The following CTNNA2 variants were observed in gnomAD, a reference collection of about 807,000 sequenced individuals.
CTNNA2 encodes the protein catenin alpha-2.
Under a neutral mutation model 101.0 loss-of-function variants are expected in CTNNA2, and 42 were observed. That is an observed-to-expected ratio of 0.42 (90% confidence interval 0.32 to 0.54). CTNNA2 has a LOEUF of 0.54. CTNNA2 is among the 20% of genes least tolerant of loss of function. The pLI, the probability that CTNNA2 is intolerant of heterozygous loss-of-function variation, is 0.14. For missense variants in CTNNA2, 871 were observed against 1,223.1 expected, an observed-to-expected ratio of 0.71 and a Z score of 4.29; for synonymous variants, 450 against 456.4, an observed-to-expected ratio of 0.99 and a Z score of 0.18.
chr2:80,043,036 TTTCC>T (rs201043752), intron 7 of CTNNA2, among the ~76,000 whole-genome samples: 68,427 of 93,356 alleles, frequency 0.73, 26,906 homozygotes, highest in East Asian at 0.91. Flanking sequence ...TCTTTCTTTC[TTTCC>T]TTCTTTCTTT....
At chr2:80,256,463 T>A (rs1672160096) in intron 7 of CTNNA2, among the ~76,000 whole-genome samples, 1 of 152,124 alleles carries the variant, frequency 6.6e-6, no homozygotes, top group Non-Finnish European at 1.5e-5. Context: ...AAATAACCTC[T>A]CTTTTCCAGA....
At chr2:80,571,193 A>G (rs1694563825) in intron 12 of CTNNA2, among the ~76,000 whole-genome samples, 1 of 152,138 alleles carries the variant, frequency 6.6e-6, no homozygotes, top group Non-Finnish European at 1.5e-5. Context: ...AGGTGTGTTC[A>G]TGCAGGTTGG....
intron 4 of CTNNA2, among the ~76,000 whole-genome samples, chr2:79,467,579 A>G (rs922580045): frequency 1.3e-5 from 2 of 152,218 alleles, no homozygotes; most frequent in Admixed American, 6.5e-5. Flanking sequence ...TAATTGTCAG[A>G]TTCACCAAAG....
chr2:79,804,122 T>C (rs1676378018), intron 3 of CTNNA2, among the ~76,000 whole-genome samples: 1 of 152,212 alleles, frequency 6.6e-6, no homozygotes, highest in Non-Finnish European at 1.5e-5. Context: ...TAAGTTAAAA[T>C]TGTAATCTCA....
chr2:79,734,275 G>A (rs1687378898), intron 2 of CTNNA2, among the ~76,000 whole-genome samples: 1 of 152,084 alleles, frequency 6.6e-6, no homozygotes, highest in Non-Finnish European at 1.5e-5. Context: ...GGCTGTAAGT[G>A]TAGACATTGA....
chr2:79,869,965 GA>G lies in CTNNA2; in HGVS notation c.585+34del, dbSNP rs1193609135. 5 of 1,609,586 alleles carry G rather than the reference GA, an allele frequency of 3.1e-6. No individual in the cohort carries two copies. The African/African-American group carries it at 6.7e-5, about 22-fold the overall frequency. On this transcript the variant is annotated intron_variant, in intron 5 of 18. Coordinates refer to ENST00000402739, the MANE Select transcript of CTNNA2 (RefSeq NM_001282597.3). ...GAAAGATTTTAGAAATGCTAGGGGA[GA>G]AAATGGGTGAGTTTAAATAACCCTG...
At chr2:80,624,077 C>T (rs1193358280) in intron 18 of CTNNA2, among the ~76,000 whole-genome samples, 21 of 151,858 alleles carry the variant, frequency 1.4e-4, no homozygotes, top group Admixed American at 1.3e-3. Context: ...TTTTCTTTGT[C>T]ATGCTCCAAT....
chr2:80,180,241 G>A (rs1705688792), intron 7 of CTNNA2, among the ~76,000 whole-genome samples: 1 of 152,126 alleles, frequency 6.6e-6, no homozygotes, highest in Admixed American at 6.5e-5. Context: ...TCATTCAAGG[G>A]GTTCTGGGTT....
At chr2:80,476,241 G>T (rs557404474) in intron 9 of CTNNA2, among the ~76,000 whole-genome samples, 1 of 152,200 alleles carries the variant, frequency 6.6e-6, no homozygotes, top group Non-Finnish European at 1.5e-5. Context: ...GGAGCTTTTT[G>T]GCTCTCGGGG....
intron 4 of CTNNA2, among the ~76,000 whole-genome samples, chr2:79,458,818 G>A (rs983719353): frequency 1.3e-5 from 2 of 151,882 alleles, no homozygotes; most frequent in Admixed American, 6.6e-5. Context: ...TTTCTTTATT[G>A]CATTTTTGCT....
chr2:80,211,368 T>C (rs1358917115), intron 7 of CTNNA2, among the ~76,000 whole-genome samples: 1 of 152,228 alleles, frequency 6.6e-6, no homozygotes, highest in East Asian at 1.9e-4. Flanking sequence ...TTTAAGTCTT[T>C]AATCCATCTT....
chr2:80,127,587 TA>T (rs1158597813), intron 7 of CTNNA2, among the ~76,000 whole-genome samples: 1 of 152,124 alleles, frequency 6.6e-6, no homozygotes, highest in Non-Finnish European at 1.5e-5. Flanking sequence ...GTTGTTTAAA[TA>T]TTTGACTCCA....
Position 80,648,219 on chromosome 2 carries a change from T to A in CTNNA2, c.*347T>A, listed in dbSNP as rs138787272. ...AAGCAAACTCTAATGCATGCAAGAA[T>A]CATTAGGTTGGCAGGTATATGCATA... On this transcript the variant is annotated 3_prime_UTR_variant, in exon 19 of 19. Transcript: ENST00000402739. 2.6e-3 allele frequency: 439 copies of A among 170,658 alleles called. 6 individuals carry two copies. The highest frequency in any genetic ancestry group is 0.01 in the African/African-American group (423 of 42,138). The allele number at this position is 170,658 out of a possible 1,614,324, so 10.6% of individuals were successfully genotyped here. A position where few individuals can be genotyped will look rare whatever the true frequency, so the allele number is the denominator to read the frequency against.
chr2:79,397,124 C>T lies in CTNNA2; in HGVS notation c.-135+23111C>T. ...CTAGAGTTGTTCATATTTTGGGATA[C>T]ATGTGATATTTTGATACATGTATAC... On this transcript the variant is annotated intron_variant, in intron 4 of 21. Transcript: ENST00000466387. Among the ~76,000 whole-genome samples the T allele has an allele frequency of 2.0e-5, 3 of 152,140 alleles. No homozygotes were observed. The South Asian group carries it at 6.2e-4, about 32-fold the overall frequency.
chr2:79,668,888 GA>G (rs1459985230), intron 2 of CTNNA2, among the ~76,000 whole-genome samples: 1 of 152,126 alleles, frequency 6.6e-6, no homozygotes, highest in Non-Finnish European at 1.5e-5. Flanking sequence ...CAATCAAACA[GA>G]GGAACACATT....
intron 7 of CTNNA2, among the ~76,000 whole-genome samples, chr2:80,132,719 A>G (rs758103229): frequency 2.6e-5 from 4 of 152,178 alleles, no homozygotes; most frequent in Non-Finnish European, 5.9e-5. Context: ...AATGTTAATA[A>G]TTGTTGAGGT....
At chr2:79,206,579 T>C (rs1674103391) in intron 2 of CTNNA2, among the ~76,000 whole-genome samples, 1 of 152,218 alleles carries the variant, frequency 6.6e-6, no homozygotes. Context: ...TATTCATTTA[T>C]TCATCTTCTT....
intron 7 of CTNNA2, among the ~76,000 whole-genome samples, chr2:80,234,847 A>T (rs1386633403): frequency 6.6e-6 from 1 of 151,382 alleles, no homozygotes; most frequent in Non-Finnish European, 1.5e-5. Context: ...GCTTGTAAAT[A>T]TTTTTAGTTT....
intron 7 of CTNNA2, among the ~76,000 whole-genome samples, chr2:80,047,908 T>A (rs1179040969): frequency 2.0e-5 from 3 of 152,176 alleles, no homozygotes. Context: ...TCCTCACAAT[T>A]TGTTACAGAT....
Sources: gnomAD v4.1 joint callset for allele counts (sites outside exome capture counted in the v4.1 genomes callset) on GRCh38, gnomAD v4.1.1 for gene constraint, MANE v1.5 for transcripts, NCBI Gene and HGNC (gene_info 2026-07-23, HGNC 2026-07-21) for gene names.